Variants in CATSPERD observed in about 807,000 individuals in gnomAD.
CATSPERD encodes the protein cation channel sperm-associated auxiliary subunit delta.
In CATSPERD, 86 loss-of-function variants were observed where a neutral mutation model predicts 98.1. That is an observed-to-expected ratio of 0.88 (90% confidence interval 0.74 to 1.05). CATSPERD has a LOEUF of 1.05. CATSPERD is among the 50% of genes least tolerant of loss of function. The pLI, the probability that CATSPERD is intolerant of heterozygous loss-of-function variation, is 0.00. For synonymous variants in CATSPERD, 394 were observed against 390.2 expected, an observed-to-expected ratio of 1.01 and a Z score of -0.12; for missense variants, 995 against 1,005.7, an observed-to-expected ratio of 0.99 and a Z score of 0.14.
At chr19:5,748,805 G>C (rs566674931) in intron 10 of CATSPERD, among the ~76,000 whole-genome samples, 322 of 131,054 alleles carry the variant, frequency 2.5e-3, no homozygotes, top group African/African-American at 8.9e-3. Context: ...TCTCTGCTCA[G>C]TGTAACCTCT....
At chr19:5,768,546 C>T (rs2056586834) in intron 18 of CATSPERD, among the ~76,000 whole-genome samples, 1 of 151,820 alleles carries the variant, frequency 6.6e-6, no homozygotes, top group Admixed American at 6.6e-5. Context: ...CTGTGTTAGC[C>T]AGGTTGGTCT....
In CATSPERD at chr19:5,724,794, C is replaced by T; in HGVS notation, c.72-14C>T. ...CAATAAAAATTGACAGATGGTCTTTCTTGTCACTTCTAGTTCTCGCACAGT... is the reference window on the plus strand; with the variant it reads ...CAATAAAAATTGACAGATGGTCTTTTTTGTCACTTCTAGTTCTCGCACAGT... On this transcript the variant is annotated splice_polypyrimidine_tract_variant and intron_variant, in intron 1 of 21. Transcript: ENST00000381624. 6.2e-7 allele frequency: 1 copy of T among 1,613,170 alleles called. No individual in the cohort carries two copies. Among genetic ancestry groups the T allele is most frequent in the Non-Finnish European group, 8.5e-7 (1 of 1,179,176 alleles).
At chr19:5,725,307 A>G (rs2055583404) in intron 2 of CATSPERD, among the ~76,000 whole-genome samples, 1 of 152,066 alleles carries the variant, frequency 6.6e-6, no homozygotes, top group African/African-American at 2.4e-5. Flanking sequence ...GTGTGCCACC[A>G]TGCGCAGCTA....
At chr19:5,741,943 G>A (rs377353551) in intron 7 of CATSPERD, among the ~76,000 whole-genome samples, 17 of 151,728 alleles carry the variant, frequency 1.1e-4, no homozygotes, top group East Asian at 3.9e-4. Context: ...TGAGGCAGGC[G>A]AGTCACTTGA....
intron 11 of CATSPERD, 40 bp downstream of exon 11, chr19:5,749,223 G>A: frequency 6.8e-7 from 1 of 1,472,084 alleles, no homozygotes; most frequent in Non-Finnish European, 9.4e-7. Context: ...TGGGCACGGT[G>A]GTTCACGCCT....
rs565413966 is a variant in CATSPERD, at chr19:5,763,628, G to A, written c.1506+335G>A. Among the ~76,000 whole-genome samples the A allele has an allele frequency of 6.6e-5, 10 of 151,914 alleles. No individual in the cohort carries two copies. The East Asian group carries it at 1.9e-3, about 29-fold the overall frequency. On this transcript the variant is annotated intron_variant, in intron 16 of 21. Coordinates refer to ENST00000381624, the MANE Select transcript of CATSPERD (RefSeq NM_152784.4). ...TTCATAGGGACAGAAAGTAGGATGG[G>A]GGGTGTCAGGAGCTGAGGAAGGGGA...
Position 5,772,892 on chromosome 19 carries a change from T to A in CATSPERD, c.1868T>A (p.Met623Lys). 6.2e-7 allele frequency: 1 copy of A among 1,614,070 alleles called. No individual in the cohort carries two copies. The highest frequency in any genetic ancestry group is 8.5e-7 in the Non-Finnish European group (1 of 1,180,004). ...TATTCCCTGACGGCCCAGTCGGCCA[T>A]GTGTACCTCCCAGCCGCAGAACTGG... ...YSYSLTAQSA[M>K]CTSQPQNWTT... Residue 623 changes from methionine (M) to lysine (K), a missense_variant, in exon 20 of 22, where the codon ATG becomes AAG. Met to Lys is a moderately conservative substitution (Grantham distance 95). Around this residue, in one of 3 missense-constraint regions of CATSPERD, gnomAD observed 762 missense variants for 773.7 expected, o/e 0.98. Coordinates refer to ENST00000381624, the MANE Select transcript of CATSPERD (RefSeq NM_152784.4).
chr19:5,759,086 G>T lies in CATSPERD; in HGVS notation c.1369G>T (p.Asp457Tyr). The T allele has an allele frequency of 6.2e-7, 1 of 1,613,864 alleles. No homozygotes were observed. The highest frequency in any genetic ancestry group is 8.5e-7 in the Non-Finnish European group (1 of 1,179,914). Reference protein sequence around the residue: ...TSDGNTKYKLDIFLKQQQHWG... With the variant: ...TSDGNTKYKLYIFLKQQQHWG... ...GGGATTTTCTCTCTTGACCCCACAG[G>T]ATATTTTCCTAAAACAGCAGCAGCA... The change falls in exon 15 of 22, where the codon GAT (aspartate) becomes TAT (tyrosine). Residue 457 changes from aspartate (D) to tyrosine (Y), a missense_variant and splice_region_variant. Asp to Tyr is a radical substitution (Grantham distance 160, BLOSUM62 -3). Around this residue, in one of 3 missense-constraint regions of CATSPERD, gnomAD observed 762 missense variants for 773.7 expected, o/e 0.98. Transcript: ENST00000381624.
intron 7 of CATSPERD, among the ~76,000 whole-genome samples, chr19:5,742,289 CGTGTGT>C (rs1384626305): frequency 2.2e-5 from 3 of 138,708 alleles, no homozygotes; most frequent in South Asian, 2.4e-4. Flanking sequence ...CGTGTGTGTG[CGTGTGT>C]ACGTATGTGA....
chr19:5,751,926 G>A, intron 12 of CATSPERD, 103 bp downstream of exon 12: 1 of 1,108,176 alleles, frequency 9.0e-7, no homozygotes, highest in Non-Finnish European at 1.3e-6. Flanking sequence ...TGCTCAGGAG[G>A]CTGAGGCTGG....
At chr19:5,725,705 A>C (rs866185597) in intron 2 of CATSPERD, among the ~76,000 whole-genome samples, 253 of 152,104 alleles carry the variant, frequency 1.7e-3, no homozygotes, top group African/African-American at 5.7e-3. Flanking sequence ...GTTCAAGACC[A>C]GCCTGGCCAA....
At chr19:5,752,782 C>A (rs758764966) in intron 12 of CATSPERD, among the ~76,000 whole-genome samples, 24 of 151,984 alleles carry the variant, frequency 1.6e-4, no homozygotes, top group Non-Finnish European at 3.1e-4. Context: ...AATCCTAACA[C>A]TTTGGGAGGC....
At chr19:5,756,759 AC>A (rs1230694188) in intron 13 of CATSPERD, among the ~76,000 whole-genome samples, 1 of 151,938 alleles carries the variant, frequency 6.6e-6, no homozygotes, top group Non-Finnish European at 1.5e-5. Context: ...AGCCTGTGCA[AC>A]ATGGTGAAAC....
intron 8 of CATSPERD, 68 bp from the exon 9 acceptor site, chr19:5,745,845 T>G: frequency 6.6e-7 from 1 of 1,517,658 alleles, no homozygotes; most frequent in African/African-American, 1.4e-5. Flanking sequence ...TCCTCTTCCC[T>G]CATTAGGACT....
At chr19:5,738,178 C>T (rs980468810) in intron 6 of CATSPERD, among the ~76,000 whole-genome samples, 13 of 151,556 alleles carry the variant, frequency 8.6e-5, no homozygotes, top group Non-Finnish European at 1.2e-4. Context: ...GAGGCTGAGG[C>T]GGGCAGATCA....
chr19:5,773,693 C>CTTT (rs71172770), intron 20 of CATSPERD, among the ~76,000 whole-genome samples: 1 of 121,394 alleles, frequency 8.2e-6, no homozygotes, highest in South Asian at 2.7e-4. Flanking sequence ...ATTTTTGTAT[C>CTTT]TTTTTTTTTT....
In CATSPERD at chr19:5,733,960, C is replaced by T. The variant is rs2055788683; in HGVS notation, c.381C>T (p.Ser127=). 1.9e-6 allele frequency: 3 copies of T among 1,589,838 alleles called. No homozygotes were observed. The highest frequency in any genetic ancestry group is 2.6e-6 in the Non-Finnish European group (3 of 1,161,850). Residue 127 remains serine (S), a synonymous_variant, in exon 5 of 22, where the codon AGC becomes AGT. Coordinates refer to ENST00000381624, the MANE Select transcript of CATSPERD (RefSeq NM_152784.4). ...ATGATTATGAAAATAATTCTTGGAG[C>T]ATGTCTTTAGGTATGTACATTTTGT... ...YIYDYENNSW[S]MSLGIKHPVT... is the part of the protein sequence containing the mutation.
intron 9 of CATSPERD, 118 bp from the exon 10 acceptor site, chr19:5,748,042 A>C (rs1429021558): frequency 1.4e-6 from 1 of 735,948 alleles, no homozygotes; most frequent in East Asian, 2.5e-5. Flanking sequence ...AGGAACATCG[A>C]AAGAGCCACT....
At chr19:5,737,311 A>C in intron 6 of CATSPERD, 106 bp downstream of exon 6, 1 of 726,502 alleles carries the variant, frequency 1.4e-6, no homozygotes, top group South Asian at 1.6e-5. Flanking sequence ...CTGTAATCCC[A>C]GCACTTTGGG....
Sources: gnomAD v4.1 joint callset for allele counts (sites outside exome capture counted in the v4.1 genomes callset) on GRCh38, gnomAD v4.1.1 for gene constraint, gnomAD v4.1.1 regional missense constraint, MANE v1.5 for transcripts, NCBI Gene and HGNC (gene_info 2026-07-23, HGNC 2026-07-21) for gene names.